The following UBE2E2 variants were observed in gnomAD, a reference collection of about 807,000 sequenced individuals.
The protein encoded by UBE2E2 is ubiquitin conjugating enzyme E2 E2, also known as ubiquitin-conjugating enzyme E2 E2.
In UBE2E2, 6 loss-of-function variants were observed where a neutral mutation model predicts 24.7. The ratio of observed to expected loss-of-function variants is 0.24; its 90% CI spans 0.13 to 0.48. UBE2E2 has a LOEUF of 0.48. Ranked by LOEUF, UBE2E2 falls within the 20% of genes least tolerant of loss-of-function variation. The pLI is 0.99. For missense variants in UBE2E2, 169 were observed against 245.0 expected (o/e 0.69, Z 2.07); for synonymous variants, 104 against 83.6 (o/e 1.24, Z -1.33).
At chr3:23,379,904 G>A (rs1302059463) in intron 3 of UBE2E2, among the ~76,000 whole-genome samples, 1 of 152,090 alleles carries the variant, frequency 6.6e-6, no homozygotes, top group Non-Finnish European at 1.5e-5. Flanking sequence ...TGGGAGCTTA[G>A]TGAATGAAGG....
intron 1 of UBE2E2, among the ~76,000 whole-genome samples, chr3:23,205,084 T>G (rs1033681729): frequency 6.6e-6 from 1 of 152,234 alleles, no homozygotes; most frequent in Admixed American, 6.5e-5. Context: ...CAACATAGGG[T>G]ACATAGCTAA....
chr3:23,303,453 C>T (rs1313960875), intron 3 of UBE2E2, among the ~76,000 whole-genome samples: 2 of 152,052 alleles, frequency 1.3e-5, no homozygotes, highest in Non-Finnish European at 2.9e-5. Flanking sequence ...TAACAGAAAT[C>T]CTCACTACTG....
At chr3:23,403,671 A>C (rs746370653) in intron 3 of UBE2E2, among the ~76,000 whole-genome samples, 1 of 152,132 alleles carries the variant, frequency 6.6e-6, no homozygotes, top group Non-Finnish European at 1.5e-5. Context: ...CAAAAATGCA[A>C]AAATTAGCTG....
intron 3 of UBE2E2, among the ~76,000 whole-genome samples, chr3:23,335,878 C>T (rs1476442133): frequency 2.6e-5 from 4 of 152,040 alleles, no homozygotes; most frequent in East Asian, 1.9e-4. Context: ...AAACTTACTA[C>T]GAACAAGGTA....
chr3:23,207,175 T>C (rs1041005235), intron 1 of UBE2E2, among the ~76,000 whole-genome samples: 10 of 152,190 alleles, frequency 6.6e-5, no homozygotes, highest in African/African-American at 1.9e-4. Flanking sequence ...CAGAACACTT[T>C]AAGCTAGTCA....
chr3:23,406,763 T>G (rs1697364933), intron 3 of UBE2E2, among the ~76,000 whole-genome samples: 1 of 152,178 alleles, frequency 6.6e-6, no homozygotes. Flanking sequence ...CCTGCCAACA[T>G]AAAGAAAATC....
At chr3:23,278,783 T>C (rs1698423742) in intron 3 of UBE2E2, among the ~76,000 whole-genome samples, 1 of 152,092 alleles carries the variant, frequency 6.6e-6, no homozygotes, top group South Asian at 2.1e-4. Context: ...ATAAAAAGAA[T>C]TGATTCATGG....
At chr3:23,263,196 G>A (rs1697950854) in intron 3 of UBE2E2, among the ~76,000 whole-genome samples, 1 of 152,124 alleles carries the variant, frequency 6.6e-6, no homozygotes, top group South Asian at 2.1e-4. Flanking sequence ...CTGCTCAACG[G>A]AATTTTGACA....
intron 3 of UBE2E2, among the ~76,000 whole-genome samples, chr3:23,492,673 C>T (rs1216473588): frequency 2.0e-5 from 3 of 152,144 alleles, no homozygotes; most frequent in South Asian, 2.1e-4. Context: ...ATTATAATCC[C>T]TTCAATCAAG....
At chr3:23,522,606 T>A (rs950253027) in intron 4 of UBE2E2, among the ~76,000 whole-genome samples, 6 of 152,062 alleles carry the variant, frequency 3.9e-5, no homozygotes, top group Non-Finnish European at 7.4e-5. Flanking sequence ...AGGAAACCTC[T>A]ATATGCATGC....
At chr3:23,460,177 C>T (rs1698777224) in intron 3 of UBE2E2, among the ~76,000 whole-genome samples, 1 of 152,136 alleles carries the variant, frequency 6.6e-6, no homozygotes, top group Non-Finnish European at 1.5e-5. Context: ...GAGCTGCCCT[C>T]CCAGAGGTCC....
chr3:23,466,341 G>T (rs996347320), intron 3 of UBE2E2, among the ~76,000 whole-genome samples: 3 of 152,178 alleles, frequency 2.0e-5, no homozygotes, highest in African/African-American at 7.2e-5. Context: ...TACGCATGAT[G>T]ATCTCAGCAC....
intron 4 of UBE2E2, among the ~76,000 whole-genome samples, chr3:23,522,468 TTC>T (rs1694891911): frequency 1.3e-5 from 2 of 152,140 alleles, no homozygotes; most frequent in Admixed American, 6.5e-5. Context: ...TGTTTTAAAT[TTC>T]TGTTTTGCTT....
chr3:23,272,800 C>G (rs1056314909), intron 3 of UBE2E2, among the ~76,000 whole-genome samples: 2 of 152,064 alleles, frequency 1.3e-5, no homozygotes, highest in Non-Finnish European at 1.5e-5. Flanking sequence ...CTGTCCAAGT[C>G]CAGAGGCCTG....
intron 3 of UBE2E2, among the ~76,000 whole-genome samples, chr3:23,310,453 C>G (rs1694345132): frequency 6.6e-6 from 1 of 151,924 alleles, no homozygotes; most frequent in African/African-American, 2.4e-5. Flanking sequence ...CATGTTTAGA[C>G]TGAAATAGAG....
intron 3 of UBE2E2, among the ~76,000 whole-genome samples, chr3:23,460,855 T>C (rs879759835): frequency 1.3e-5 from 2 of 152,228 alleles, no homozygotes; most frequent in Non-Finnish European, 2.9e-5. Flanking sequence ...TATATTTAAT[T>C]CACCTTTTGG....
intron 3 of UBE2E2, among the ~76,000 whole-genome samples, chr3:23,294,937 C>T (rs1698870209): frequency 6.6e-6 from 1 of 152,100 alleles, no homozygotes; most frequent in Non-Finnish European, 1.5e-5. Context: ...CTGCCTAATA[C>T]AGGGTCTTCA....
intron 3 of UBE2E2, among the ~76,000 whole-genome samples, chr3:23,383,856 A>G (rs1428261595): frequency 2.0e-5 from 3 of 151,526 alleles, no homozygotes; most frequent in Non-Finnish European, 4.4e-5. Context: ...CTGAATAGGG[A>G]AATAGTATAT....
Position 23,320,492 on chromosome 3 carries a change from T to C in UBE2E2, c.227+103180T>C, listed in dbSNP as rs553081948. Among the ~76,000 whole-genome samples the C allele has an allele frequency of 1.5e-4, 23 of 152,340 alleles. No homozygotes were observed. In the East Asian group the frequency reaches 4.4e-3, roughly 29 times the overall value. ...TCATTCTGGAAAGAAATCCTGTATT[T>C]TTTAATAGCAGTCACCCCAGCCCTA... On this transcript the variant is annotated intron_variant, in intron 3 of 5. Transcript: ENST00000396703.
Sources: allele counts gnomAD v4.1 joint callset (sites outside exome capture counted in the v4.1 genomes callset), GRCh38; gene constraint gnomAD v4.1.1; transcripts MANE v1.5; gene names NCBI Gene and HGNC (gene_info 2026-07-23, HGNC 2026-07-21).